Variants in USP4 observed in about 807,000 individuals in gnomAD.
The protein encoded by USP4 is ubiquitin carboxyl-terminal hydrolase 4.
USP4 carries 72 observed loss-of-function variants against 118.2 expected under a neutral mutation model. That is an observed-to-expected ratio of 0.61 (90% CI 0.50 to 0.74). The LOEUF (loss-of-function observed/expected upper bound fraction) is 0.74, where lower values mean the gene tolerates loss of function less well. USP4 is among the 30% of genes least tolerant of loss of function. The pLI is 0.00. For synonymous variants in USP4, 415 were observed against 440.4 expected, an observed-to-expected ratio of 0.94 and a Z score of 0.72; for missense variants, 1,037 against 1,185.7, an observed-to-expected ratio of 0.87 and a Z score of 1.84.
intron 15 of USP4, among the ~76,000 whole-genome samples, chr3:49,291,150 G>C (rs1241955084): frequency 2.0e-5 from 3 of 151,728 alleles, no homozygotes; most frequent in African/African-American, 7.3e-5. Flanking sequence ...ATTTTTAGCA[G>C]AGATGGGGTT....
chr3:49,301,626 T>C (rs1056416040), intron 10 of USP4, among the ~76,000 whole-genome samples: 5 of 151,992 alleles, frequency 3.3e-5, no homozygotes, highest in African/African-American at 9.7e-5. Context: ...AGGTGGAGGT[T>C]GCAGTGAGCC....
At chr3:49,333,655 G>A (rs1359322976) in intron 2 of USP4, among the ~76,000 whole-genome samples, 4 of 152,114 alleles carry the variant, frequency 2.6e-5, no homozygotes, top group Non-Finnish European at 5.9e-5. Context: ...GTGAAGCAGC[G>A]AGAATACACA....
intron 9 of USP4, among the ~76,000 whole-genome samples, chr3:49,303,373 G>A (rs1205665303): frequency 2.0e-5 from 3 of 150,358 alleles, no homozygotes; most frequent in Non-Finnish European, 4.4e-5. Context: ...CCCAGGAGGC[G>A]GAGGCTGCAG....
chr3:49,318,158 A>C (rs959390829), intron 6 of USP4, among the ~76,000 whole-genome samples: 2 of 152,088 alleles, frequency 1.3e-5, no homozygotes, highest in Admixed American at 6.6e-5. Flanking sequence ...TTTAAGAGAC[A>C]GGGTCACATT....
intron 15 of USP4, among the ~76,000 whole-genome samples, chr3:49,286,690 G>A (rs1250201835): frequency 3.3e-5 from 5 of 151,786 alleles, no homozygotes; most frequent in South Asian, 2.1e-4. Flanking sequence ...TAAATGAAAC[G>A]CACACTCAAC....
intron 15 of USP4, 43 bp downstream of exon 15, chr3:49,292,467 G>A (rs1159794670): frequency 3.1e-6 from 4 of 1,275,534 alleles, no homozygotes; most frequent in Non-Finnish European, 4.3e-6. Flanking sequence ...GAAATCAGGA[G>A]GTATTTGGTC....
intron 9 of USP4, among the ~76,000 whole-genome samples, chr3:49,304,583 G>T (rs1275855966): frequency 6.6e-6 from 1 of 152,094 alleles, no homozygotes; most frequent in Non-Finnish European, 1.5e-5. Context: ...GATGATACTA[G>T]AAATTAAACT....
At chr3:49,324,552 G>T in intron 6 of USP4, 150 bp downstream of exon 6, 1 of 744,588 alleles carries the variant, frequency 1.3e-6, no homozygotes, top group Non-Finnish European at 2.3e-6. Context: ...AAAAGCCACG[G>T]TCTTCATCCA....
intron 15 of USP4, among the ~76,000 whole-genome samples, chr3:49,290,842 A>T (rs2047144115): frequency 6.6e-6 from 1 of 151,022 alleles, no homozygotes; most frequent in Non-Finnish European, 1.5e-5. Flanking sequence ...TGCTGGGCGC[A>T]GTGGCTCACA....
At chr3:49,318,593 T>C (rs149054204) in intron 6 of USP4, 1 of 985,310 alleles carries the variant, frequency 1.0e-6, no homozygotes, top group Non-Finnish European at 1.2e-6. Context: ...GTGGTCCTCA[T>C]TAGTGAAAAA....
rs776995801 is a variant in USP4 at position 49,278,444 on chromosome 3, G to A, written c.2741C>T (p.Ala914Val). ...LASEDQIVTKAAYVLFYQRRD... is the reference protein window; with the variant it reads ...LASEDQIVTKVAYVLFYQRRD... ...ACGTTGGTAAAATAGCACATAAGCTGCTTTAGTCTGAAATACAAGAGGGGG... is the reference window on the plus strand; with the variant it reads ...ACGTTGGTAAAATAGCACATAAGCTACTTTAGTCTGAAATACAAGAGGGGG... The change falls in exon 22 of 22, where the codon GCA (alanine) becomes GTA (valine). Residue 914 changes from alanine (A) to valine (V), a missense_variant. Physicochemically the swap from Ala to Val is moderately conservative, Grantham distance 64 (BLOSUM62 0). This residue lies in a region of USP4 where 522 missense variants were observed against 592.6 expected (regional missense o/e 0.88). Transcript: ENST00000265560. The A allele has an allele frequency of 9.3e-6, 15 of 1,613,606 alleles. No individual in the cohort carries two copies. The highest frequency in any genetic ancestry group is 1.3e-5 in the Non-Finnish European group (15 of 1,179,850).
At chr3:49,310,230 A>G (rs2047370169) in intron 8 of USP4, among the ~76,000 whole-genome samples, 1 of 152,234 alleles carries the variant, frequency 6.6e-6, no homozygotes, top group Non-Finnish European at 1.5e-5. Context: ...CGGCTGGGAC[A>G]GCTATTTTTA....
chr3:49,305,308 G>A (rs1485105850), intron 9 of USP4, among the ~76,000 whole-genome samples: 1 of 147,434 alleles, frequency 6.8e-6, no homozygotes, highest in African/African-American at 2.5e-5. Flanking sequence ...TCAATCTCCT[G>A]ACCTTGTGAT....
chr3:49,294,673 T>C, intron 13 of USP4, 75 bp from the exon 14 acceptor site: 1 of 1,440,390 alleles, frequency 6.9e-7, no homozygotes. Context: ...TGAAGCTATG[T>C]GGTGGCCAGG....
chr3:49,310,973 G>A (rs1290017518), intron 7 of USP4, among the ~76,000 whole-genome samples: 1 of 152,138 alleles, frequency 6.6e-6, no homozygotes, highest in East Asian at 1.9e-4. Context: ...CCTCTGTTAG[G>A]CTTTGGCAAA....
rs143637177 is a variant in USP4 at position 49,311,642 on chromosome 3, C to T, written c.708G>A (p.Ala236=). ...RQTLQSKSST[A]PSRNFTTSPK... is the part of the protein sequence containing the mutation. Reference sequence around the variant, plus strand: ...GAGAGGTAGTAAAATTTCTGCTAGGCGCAGTGCTTGATCTGGGAGAGAGAA... The same window carrying T: ...GAGAGGTAGTAAAATTTCTGCTAGGTGCAGTGCTTGATCTGGGAGAGAGAA... Residue 236 remains alanine, a synonymous_variant, in exon 7 of 22, where the codon GCG becomes GCA. Transcript: ENST00000265560. 1.5e-5 allele frequency: 25 copies of T among 1,613,560 alleles called. No individual in the cohort carries two copies. Among genetic ancestry groups the T allele is most frequent in the African/African-American group, 1.2e-4 (9 of 74,908 alleles).
At chr3:49,328,347 A>C (rs568242341) in intron 2 of USP4, among the ~76,000 whole-genome samples, 1 of 151,736 alleles carries the variant, frequency 6.6e-6, no homozygotes, top group Non-Finnish European at 1.5e-5. Context: ...AAAGAGCAAG[A>C]CTCCATCTCA....
At chr3:49,295,106 G>A (rs547031508) in intron 13 of USP4, among the ~76,000 whole-genome samples, 462 of 151,980 alleles carry the variant, frequency 3.0e-3, no homozygotes, top group South Asian at 0.012. Flanking sequence ...TGGCTAACAC[G>A]GTGAAACCCC....
chr3:49,316,969 G>C, intron 6 of USP4: 1 of 651,760 alleles, frequency 1.5e-6, no homozygotes, highest in Non-Finnish European at 2.7e-6. Context: ...GCCCCTCTTA[G>C]CACCTGAGAC....
Sources: gnomAD v4.1 joint callset for allele counts (sites outside exome capture counted in the v4.1 genomes callset) on GRCh38, gnomAD v4.1.1 for gene constraint, gnomAD v4.1.1 regional missense constraint, MANE v1.5 for transcripts, NCBI Gene and HGNC (gene_info 2026-07-23, HGNC 2026-07-21) for gene names.